The following ATE1 variants were observed in gnomAD, a reference collection of about 807,000 sequenced individuals.
ATE1 encodes the protein arginyl-tRNA--protein transferase 1.
In ATE1, 36 loss-of-function variants were observed where a neutral mutation model predicts 70.5. The ratio of observed to expected loss-of-function variants is 0.51; its 90% CI spans 0.39 to 0.67. The LOEUF is 0.67. Among genes scored for constraint, ATE1 ranks in the 30% least tolerant of loss-of-function variants. The pLI is 0.00. For synonymous variants in ATE1, 232 were observed against 219.3 expected (o/e 1.06, Z -0.51); for missense variants, 593 against 629.5 (o/e 0.94, Z 0.62).
intron 7 of ATE1, among the ~76,000 whole-genome samples, chr10:121,886,015 T>C (rs1351422226): frequency 6.6e-6 from 1 of 152,098 alleles, no homozygotes; most frequent in African/African-American, 2.4e-5. Flanking sequence ...AGGTTAAGTA[T>C]CCCTAATCCA....
chr10:121,875,301 T>G (rs1479299166), intron 7 of ATE1, among the ~76,000 whole-genome samples: 970 of 29,798 alleles, frequency 0.033, 24 homozygotes, highest in African/African-American at 0.077. Flanking sequence ...TTTTTTGGTT[T>G]TTTTTTGTTT....
At chr10:121,797,451 C>T (rs927378166) in intron 10 of ATE1, among the ~76,000 whole-genome samples, 1 of 152,102 alleles carries the variant, frequency 6.6e-6, no homozygotes, top group African/African-American at 2.4e-5. Context: ...TTTTCATCAT[C>T]CCCAAAGAAA....
chr10:121,880,128 T>C (rs1165936279), intron 7 of ATE1, among the ~76,000 whole-genome samples: 1 of 152,218 alleles, frequency 6.6e-6, no homozygotes, highest in African/African-American at 2.4e-5. Flanking sequence ...ATGGAATATG[T>C]TATTAGCTAT....
At chr10:121,819,542 A>G (rs2133568566) in intron 10 of ATE1, among the ~76,000 whole-genome samples, 1 of 152,044 alleles carries the variant, frequency 6.6e-6, no homozygotes, top group East Asian at 1.9e-4. Context: ...GTCTCTACTA[A>G]AAATACAAAA....
At chr10:121,913,271 T>C (rs949892959) in intron 4 of ATE1, among the ~76,000 whole-genome samples, 4 of 152,236 alleles carry the variant, frequency 2.6e-5, no homozygotes, top group South Asian at 2.1e-4. Context: ...ATAAATGCTA[T>C]TATGTTTTAG....
chr10:121,857,253 A>G (rs1949282075), intron 8 of ATE1, among the ~76,000 whole-genome samples: 1 of 152,020 alleles, frequency 6.6e-6, no homozygotes, highest in Non-Finnish European at 1.5e-5. Flanking sequence ...TAGTTTTTCA[A>G]CCCTTGCCCC....
intron 11 of ATE1, among the ~76,000 whole-genome samples, chr10:121,784,033 C>A (rs996973595): frequency 1.3e-5 from 2 of 152,188 alleles, no homozygotes; most frequent in Non-Finnish European, 2.9e-5. Context: ...GCTGGGATCA[C>A]AGGTGTGAGC....
intron 10 of ATE1, among the ~76,000 whole-genome samples, chr10:121,798,069 T>C (rs542607726): frequency 1.3e-5 from 2 of 152,332 alleles, no homozygotes; most frequent in African/African-American, 4.8e-5. Context: ...ACTTCCACTT[T>C]CTAAACAGTG....
chr10:121,897,199 C>G (rs1438333703), intron 7 of ATE1, among the ~76,000 whole-genome samples: 3 of 152,192 alleles, frequency 2.0e-5, no homozygotes, highest in Non-Finnish European at 4.4e-5. Flanking sequence ...TGCTCTAAGT[C>G]TGCATAAAGG....
chr10:121,823,298 A>C (rs1947874997), intron 10 of ATE1, among the ~76,000 whole-genome samples: 1 of 152,150 alleles, frequency 6.6e-6, no homozygotes, highest in Non-Finnish European at 1.5e-5. Context: ...TCAAAAAAAA[A>C]CAAAAACAAA....
intron 7 of ATE1, among the ~76,000 whole-genome samples, chr10:121,874,380 C>T (rs1813200130): frequency 6.6e-6 from 1 of 151,972 alleles, no homozygotes; most frequent in African/African-American, 2.4e-5. Context: ...TTTGATTCCA[C>T]AAAAGAAAAA....
intron 5 of ATE1, among the ~76,000 whole-genome samples, chr10:121,907,518 T>C (rs1474000324): frequency 1.3e-5 from 2 of 151,762 alleles, no homozygotes; most frequent in African/African-American, 2.4e-5. Context: ...TTCACACCTG[T>C]AATCCCAGCA....
chr10:121,874,310 G>A (rs1452038409), intron 7 of ATE1, among the ~76,000 whole-genome samples: 1 of 152,064 alleles, frequency 6.6e-6, no homozygotes, highest in Non-Finnish European at 1.5e-5. Flanking sequence ...TTCTAAGGCA[G>A]TGCAAACTAG....
chr10:121,816,349 T>C (rs546311495), intron 10 of ATE1, among the ~76,000 whole-genome samples: 1 of 152,194 alleles, frequency 6.6e-6, no homozygotes, highest in Non-Finnish European at 1.5e-5. Flanking sequence ...AATATTCATG[T>C]TGAAACTTAA....
intron 11 of ATE1, among the ~76,000 whole-genome samples, chr10:121,789,798 T>C (rs1946361902): frequency 6.6e-6 from 1 of 152,188 alleles, no homozygotes; most frequent in Admixed American, 6.5e-5. Context: ...TTCGGTCCAG[T>C]TGGTCAATAT....
At chr10:121,792,173 G>A (rs936319978) in intron 10 of ATE1, among the ~76,000 whole-genome samples, 1 of 152,146 alleles carries the variant, frequency 6.6e-6, no homozygotes, top group Admixed American at 6.5e-5. Flanking sequence ...GAAAAGAAAT[G>A]AGAACAATCT....
chr10:121,765,821 G>A (rs977527611), intron 11 of ATE1, among the ~76,000 whole-genome samples: 3 of 152,146 alleles, frequency 2.0e-5, no homozygotes, highest in South Asian at 4.1e-4. Flanking sequence ...GGTATTAGAC[G>A]TTAGCAGACT....
At chr10:121,864,782 G>A (rs1949604452) in intron 8 of ATE1, among the ~76,000 whole-genome samples, 1 of 151,878 alleles carries the variant, frequency 6.6e-6, no homozygotes, top group Non-Finnish European at 1.5e-5. Context: ...GTTTTCAACA[G>A]GAAGCTATTT....
At chr10:121,919,757 G>A (rs2134565542) in intron 3 of ATE1, among the ~76,000 whole-genome samples, 1 of 152,136 alleles carries the variant, frequency 6.6e-6, no homozygotes, top group East Asian at 1.9e-4. Flanking sequence ...AATTAACCAG[G>A]CCTAGCGGTG....
Sources: gnomAD v4.1 joint callset for allele counts (sites outside exome capture counted in the v4.1 genomes callset) on GRCh38, gnomAD v4.1.1 for gene constraint, MANE v1.5 for transcripts, NCBI Gene and HGNC (gene_info 2026-07-23, HGNC 2026-07-21) for gene names.